The following MICOS13 variants were observed in gnomAD, a reference collection of about 807,000 sequenced individuals.
MICOS13 encodes the protein mitochondrial contact site and cristae organizing system subunit 13.
Under a neutral mutation model 16.1 loss-of-function variants are expected in MICOS13, and 15 were observed. The observed-to-expected ratio is 0.93, with a 90% CI of 0.62 to 1.44. The LOEUF (loss-of-function observed/expected upper bound fraction) is 1.44. Among genes scored for constraint, MICOS13 ranks in the 40% most tolerant of loss-of-function variants. The pLI is 0.00. For synonymous variants in MICOS13, 61 were observed against 62.6 expected (o/e 0.97, Z 0.12); for missense variants, 164 against 155.0 (o/e 1.06, Z -0.31).
rs2054490076 is a variant in MICOS13, at chr19:5,679,409, G to T, written c.208-13C>A. The T allele has an allele frequency of 2.5e-6, 4 of 1,613,032 alleles. No homozygotes were observed. The highest frequency in any genetic ancestry group is 3.4e-6 in the Non-Finnish European group (4 of 1,179,528). ...GAGGGGCTGGGAGCTGGGAAAAAGA[G>T]ATGGGCAGAAAGAACTGGTGAAAAG... On this transcript the variant is annotated splice_polypyrimidine_tract_variant and intron_variant, in intron 2 of 3. Coordinates refer to ENST00000309324, the MANE Select transcript of MICOS13 (RefSeq NM_205767.3).
In MICOS13 at chr19:5,680,239, G is replaced by A. The variant is rs970911692; in HGVS notation, c.29+219C>T. ...CGGAGGCTGACACCGCGAACTGAAC[G>A]CCAAGGGCTCGCTGGGAAGCAGGAG... On this transcript the variant is annotated intron_variant, in intron 1 of 3. Coordinates refer to ENST00000309324, the MANE Select transcript of MICOS13 (RefSeq NM_205767.3). The A allele has an allele frequency of 5.1e-6, 8 of 1,556,554 alleles. No homozygotes were observed. The African/African-American group carries it at 1.1e-4, about 21-fold the overall frequency.
intron 3 of MICOS13, 189 bp from the exon 4 acceptor site, chr19:5,678,837 G>T (rs1045361849): frequency 3.7e-5 from 20 of 536,976 alleles, no homozygotes; most frequent in Non-Finnish European, 5.2e-5. Flanking sequence ...CGCCTCCTGG[G>T]TTCAAGCGAT....
At position 5,678,457 on chromosome 19, in the gene MICOS13, G is replaced by A; in HGVS notation, c.*94C>T. 2.5e-6 allele frequency: 3 copies of A among 1,222,936 alleles called. No homozygotes were observed. The highest frequency in any genetic ancestry group is 3.5e-6 in the Non-Finnish European group (3 of 865,862). The allele number at this position is 1,222,936 out of a possible 1,614,324, so 75.8% of individuals were successfully genotyped here. Reference sequence around the variant, plus strand: ...GTCCTTTATTGGGCCGGCAAGGCCGGGAGCTGCCCTCGGAGTGGGGTCCCA... The same window carrying A: ...GTCCTTTATTGGGCCGGCAAGGCCGAGAGCTGCCCTCGGAGTGGGGTCCCA... On this transcript the variant is annotated 3_prime_UTR_variant, in exon 4 of 4. Transcript: ENST00000309324.
At chr19:5,680,362 G>T in intron 1 of MICOS13, 96 bp downstream of exon 1, 1 of 1,604,342 alleles carries the variant, frequency 6.2e-7, no homozygotes, top group Non-Finnish European at 8.5e-7. Context: ...GACTCTAAGG[G>T]AAGCGAAGAG....
intron 1 of MICOS13, chr19:5,679,971 C>A (rs1022201686): frequency 5.4e-5 from 78 of 1,450,316 alleles, no homozygotes; most frequent in Middle Eastern, 2.4e-4. Flanking sequence ...GCCACTTGAA[C>A]TGATGAACTG....
In MICOS13 at chr19:5,680,182, A is replaced by G. The variant is rs1397816494; in HGVS notation, c.29+276T>C. 3 of 1,537,058 alleles carry G rather than the reference A, an allele frequency of 2.0e-6. No homozygotes were observed. The East Asian group carries it at 7.3e-5, about 38-fold the overall frequency. On this transcript the variant is annotated intron_variant, in intron 1 of 3. Transcript: ENST00000309324. ...AGCGGCAGGATTCACCGGCATTCCC[A>G]CCTCACAGAGAAGACAACTGAGGCT...
At chr19:5,678,762 G>A (rs1221738553) in intron 3 of MICOS13, 114 bp from the exon 4 acceptor site, 3 of 576,864 alleles carry the variant, frequency 5.2e-6, no homozygotes, top group Non-Finnish European at 9.0e-6. Context: ...GGGGGGCGGG[G>A]ATGGAGTCTC....
chr19:5,679,828 G>A, intron 1 of MICOS13, 65 bp from the exon 2 acceptor site: 4 of 1,518,870 alleles, frequency 2.6e-6, no homozygotes, highest in Non-Finnish European at 3.5e-6. Flanking sequence ...AGGGGCCAAG[G>A]CCCACGGGGA....
intron 2 of MICOS13, 43 bp from the exon 3 acceptor site, chr19:5,679,439 A>G (rs755792645): frequency 1.9e-6 from 3 of 1,604,688 alleles, no homozygotes; most frequent in Non-Finnish European, 2.6e-6. Context: ...GAAAAGGCTC[A>G]GCAGCCCATC....
chr19:5,679,918 A>G (rs1599408318), intron 1 of MICOS13, 155 bp from the exon 2 acceptor site: 1 of 1,338,516 alleles, frequency 7.5e-7, no homozygotes, highest in Non-Finnish European at 1.0e-6. Context: ...CCCCTATTAT[A>G]TACAGCACTC....
chr19:5,679,645 G>C lies in MICOS13; in HGVS notation c.148C>G (p.Pro50Ala), dbSNP rs141436618. The C allele has an allele frequency of 2.0e-5, 32 of 1,611,204 alleles. No homozygotes were observed. In the African/African-American group the frequency reaches 3.2e-4, roughly 16 times the overall value. ...TACTGGCTGAACTGGTACATGGCGG[G>C]GGGGACCACCTCCCCAGCCTTCTGT... is the stretch of plus-strand genomic sequence containing the variant. ...ALQKAGEVVP[P>A]AMYQFSQYVC... Residue 50 changes from proline (P) to alanine (A), a missense_variant, in exon 2 of 4, where the codon CCC becomes GCC. Coordinates refer to ENST00000309324, the MANE Select transcript of MICOS13 (RefSeq NM_205767.3).
intron 1 of MICOS13, chr19:5,680,131 G>A (rs1183348277): frequency 6.5e-7 from 1 of 1,536,106 alleles, no homozygotes; most frequent in African/African-American, 1.4e-5. Context: ...GCAGCTCCGA[G>A]CACGCATTCA....
intron 1 of MICOS13, chr19:5,680,186 C>T (rs1183185058): frequency 6.5e-7 from 1 of 1,537,366 alleles, no homozygotes; most frequent in African/African-American, 1.4e-5. Flanking sequence ...ATTCCCACCT[C>T]ACAGAGAAGA....
At chr19:5,680,121 G>A (rs914506435) in intron 1 of MICOS13, 10 of 1,535,888 alleles carry the variant, frequency 6.5e-6, no homozygotes, top group Non-Finnish European at 8.7e-6. Context: ...GCTGTCACTC[G>A]CAGCTCCGAG....
chr19:5,679,544 G>T, intron 2 of MICOS13, 42 bp downstream of exon 2: 2 of 1,601,010 alleles, frequency 1.2e-6, no homozygotes, highest in African/African-American at 1.3e-5. Flanking sequence ...TCCCAGAGCT[G>T]ACCACCCGCC....
intron 1 of MICOS13, chr19:5,680,150 C>T (rs1437236228): frequency 1.3e-6 from 2 of 1,536,286 alleles, no homozygotes; most frequent in East Asian, 4.9e-5. Flanking sequence ...CACTTCTCAT[C>T]CACGCCAGCG....
rs530476222 is a variant in MICOS13 at position 5,679,514 on chromosome 19, C to T, written c.207+72G>A. ...TCAGCATCAATATGGAGGACAACATCGTGCAGGGCTGGAGGGACCTCCCAG... is the reference window on the plus strand; with the variant it reads ...TCAGCATCAATATGGAGGACAACATTGTGCAGGGCTGGAGGGACCTCCCAG... On this transcript the variant is annotated intron_variant, in intron 2 of 3. Transcript: ENST00000309324. 3.1e-6 allele frequency: 5 copies of T among 1,592,990 alleles called. No individual in the cohort carries two copies. In the South Asian group the frequency reaches 5.5e-5, roughly 18 times the overall value.
chr19:5,679,309 G>A (rs1193809926), intron 3 of MICOS13, 36 bp downstream of exon 3: 2 of 1,589,248 alleles, frequency 1.3e-6, no homozygotes, highest in South Asian at 1.1e-5. Context: ...CTAGACTGGG[G>A]TGTCTCCCTC....
At chr19:5,679,501 T>C (rs2054492207) in intron 2 of MICOS13, 85 bp downstream of exon 2, 1 of 1,593,078 alleles carries the variant, frequency 6.3e-7, no homozygotes, top group Non-Finnish European at 8.6e-7. Context: ...AGCATCAATA[T>C]GGAGGACAAC....
Sources: allele counts gnomAD v4.1 joint callset, GRCh38; gene constraint gnomAD v4.1.1; transcripts MANE v1.5; gene names NCBI Gene and HGNC (gene_info 2026-07-23, HGNC 2026-07-21).